Variants in EIF3A observed in about 807,000 individuals in gnomAD.
EIF3A encodes the protein eukaryotic translation initiation factor 3 subunit A.
EIF3A carries 21 observed loss-of-function variants against 186.6 expected under a neutral mutation model. The observed-to-expected ratio is 0.11, with a 90% confidence interval of 0.08 to 0.16. The LOEUF (loss-of-function observed/expected upper bound fraction) is 0.16. Among genes scored for constraint, EIF3A ranks in the 10% least tolerant of loss-of-function variants. The pLI, the probability that EIF3A is intolerant of heterozygous loss-of-function variation, is 1.00. For synonymous variants in EIF3A, 563 were observed against 584.3 expected (o/e 0.96, Z 0.52); for missense variants, 1,306 against 1,796.3 (o/e 0.73, Z 4.93).
chr10:119,047,653 T>C (rs529957597), intron 17 of EIF3A, among the ~76,000 whole-genome samples: 74 of 152,298 alleles, frequency 4.9e-4, no homozygotes, highest in Admixed American at 1.2e-3. Context: ...GCTGATTTCA[T>C]GCACACACAC....
At chr10:119,066,495 TTAAGA>T (rs1843980945) in intron 6 of EIF3A, among the ~76,000 whole-genome samples, 3 of 80,784 alleles carry the variant, frequency 3.7e-5, no homozygotes, top group Non-Finnish European at 6.4e-5. Context: ...GGGGGCAGAG[TTAAGA>T]CTGTCAAAAA....
chr10:119,036,283 T>TAAA lies in EIF3A; in HGVS notation c.3920-18_3920-16dup. 7.8e-7 allele frequency: 1 copy of TAAA among 1,279,776 alleles called. No individual in the cohort carries two copies. Among genetic ancestry groups the TAAA allele is most frequent in the Non-Finnish European group, 1.1e-6 (1 of 947,540 alleles). 79.3% of individuals were successfully genotyped at this position (1,279,776 alleles called of 1,614,324 possible). ...CCAAGAACTTACTAAAAAGTTTAAT[T>TAAA]AAAAAAAAAAAATTAAGTTAGTACT... On this transcript the variant is annotated splice_polypyrimidine_tract_variant and intron_variant, in intron 21 of 21. Transcript: ENST00000369144.
At chr10:119,065,871 C>T (rs1012874550) in intron 6 of EIF3A, among the ~76,000 whole-genome samples, 1 of 152,152 alleles carries the variant, frequency 6.6e-6, no homozygotes, top group Non-Finnish European at 1.5e-5. Context: ...AATCCCAGCA[C>T]TTTGGGAGGC....
rs763429873 is a variant in EIF3A, at chr10:119,037,273, T to G, written c.3765A>C (p.Glu1255Asp). Residue 1255 changes from glutamate to aspartate, a missense_variant, in exon 21 of 22, where the codon GAA (glutamate) becomes GAC (aspartate). By Grantham distance (45) the Glu-to-Asp change is conservative. This residue lies in a region of EIF3A where 331 missense variants were observed against 365.8 expected (regional missense o/e 0.90). Coordinates refer to ENST00000369144, the MANE Select transcript of EIF3A (RefSeq NM_003750.4). ...EGGWRRGPAE[E>D]SSSWRDSSRR... Reference sequence around the variant, plus strand: ...GACTTGAGTCTCTCCAGCTTGAAGATTCCTCAGCTGGTCCTCTTCTCCAGC... The same window carrying G: ...GACTTGAGTCTCTCCAGCTTGAAGAGTCCTCAGCTGGTCCTCTTCTCCAGC... The G allele has an allele frequency of 6.2e-7, 1 of 1,613,978 alleles. No homozygotes were observed.
At chr10:119,071,203 T>G in intron 4 of EIF3A, 118 bp from the exon 5 acceptor site, 2 of 731,922 alleles carry the variant, frequency 2.7e-6, no homozygotes, top group Non-Finnish European at 4.6e-6. Flanking sequence ...AAACTCATCA[T>G]TAGTCTTTGT....
intron 7 of EIF3A, among the ~76,000 whole-genome samples, chr10:119,062,275 C>A (rs1438382186): frequency 6.6e-6 from 1 of 152,016 alleles, no homozygotes; most frequent in African/African-American, 2.4e-5. Context: ...AGTCCCCTTC[C>A]GAATAGGGAA....
Position 119,049,936 on chromosome 10 carries a change from T to G in EIF3A, c.2523A>C (p.Leu841=). The part of the protein sequence containing the change: ...RAERAKREEE[L]REYQERVKKL... ...TCTTCACCCGCTCCTGATACTCTCG[T>G]AGCTCTTCCTCGCGTTTTGCTCGTT... is the stretch of plus-strand genomic sequence containing the variant. The change falls in exon 17 of 22, where the codon CTA becomes CTC. Residue 841 remains leucine, a synonymous_variant. Transcript: ENST00000369144. 1 of 1,614,200 alleles carries G rather than the reference T, an allele frequency of 6.2e-7. No individual in the cohort carries two copies. The highest frequency in any genetic ancestry group is 8.5e-7 in the Non-Finnish European group (1 of 1,180,024).
chr10:119,060,562 A>G (rs1432949097), intron 9 of EIF3A, among the ~76,000 whole-genome samples, 184 bp downstream of exon 9: 1 of 152,190 alleles, frequency 6.6e-6, no homozygotes, highest in Non-Finnish European at 1.5e-5. Flanking sequence ...AAAAAACAAA[A>G]GCGTCCGTTA....
At position 119,073,054 on chromosome 10, in the gene EIF3A, C is replaced by A. The variant is rs1343927112; in HGVS notation, c.378-1G>T. ...ACCACTTACAGCACTTAGGAGAACA[C>A]TACAAAGAAAAAAATGTTGAAAACA... On this transcript the variant is annotated splice_acceptor_variant, in intron 3 of 21. Transcript: ENST00000369144. LOFTEE classifies it high-confidence loss of function. 1 of 1,589,476 alleles carries A rather than the reference C, an allele frequency of 6.3e-7. No individual in the cohort carries two copies.
chr10:119,069,684 T>C, intron 5 of EIF3A, 30 bp from the exon 6 acceptor site: 1 of 1,122,362 alleles, frequency 8.9e-7, no homozygotes, highest in Non-Finnish European at 1.4e-6. Flanking sequence ...TTAAAGTCAT[T>C]GCATTCTATA....
At chr10:119,049,149 C>A (rs1394175590) in intron 17 of EIF3A, among the ~76,000 whole-genome samples, 2 of 152,116 alleles carry the variant, frequency 1.3e-5, no homozygotes, top group African/African-American at 2.4e-5. Flanking sequence ...TTTGGGAAAA[C>A]TACCACATTA....
chr10:119,041,049 G>A (rs1275672824), intron 19 of EIF3A, among the ~76,000 whole-genome samples: 3 of 147,660 alleles, frequency 2.0e-5, no homozygotes, highest in Non-Finnish European at 3.0e-5. Context: ...ATGGTGGCAT[G>A]TGCCTGTAGT....
At chr10:119,047,923 G>C (rs1355806725) in intron 17 of EIF3A, among the ~76,000 whole-genome samples, 1 of 152,070 alleles carries the variant, frequency 6.6e-6, no homozygotes, top group East Asian at 1.9e-4. Context: ...TGAGCTTTCT[G>C]AGTGAAAAGT....
chr10:119,075,643 T>TATATATAC (rs1212693156), intron 1 of EIF3A, among the ~76,000 whole-genome samples: 29 of 27,792 alleles, frequency 1.0e-3, no homozygotes, highest in Admixed American at 1.7e-3. Context: ...TAAAACACTA[T>TATATATAC]ATATATACAT....
rs769951056 is a variant in EIF3A at position 119,044,147 on chromosome 10, A to T, written c.2659-5T>A. On this transcript the variant is annotated splice_polypyrimidine_tract_variant and splice_region_variant and intron_variant, in intron 17 of 21. Transcript: ENST00000369144. ...TCTATCTCCCCAACGAGAGTCCTCC[A>T]TTGACAAAGTGAAAAAGAAGCATTA... 6.3e-7 allele frequency: 1 copy of T among 1,598,558 alleles called. No individual in the cohort carries two copies. Among genetic ancestry groups the T allele is most frequent in the South Asian group, 1.1e-5 (1 of 90,658 alleles).
At chr10:119,077,648 G>A (rs1057476421) in intron 1 of EIF3A, among the ~76,000 whole-genome samples, 2 of 150,926 alleles carry the variant, frequency 1.3e-5, no homozygotes, top group Non-Finnish European at 2.9e-5. Flanking sequence ...TCCACCTCCT[G>A]GGTTCATGCC....
rs113193938 is a variant in EIF3A at position 119,037,063 on chromosome 10, C to A, written c.3919+56G>T. ...TGATATAATTAAATAACCCAAATCC[C>A]CCCCCCCCCAGAAACGACAGTTCTC... On this transcript the variant is annotated intron_variant, in intron 21 of 21. Coordinates refer to ENST00000369144, the MANE Select transcript of EIF3A (RefSeq NM_003750.4). 69 of 628,030 alleles carry A rather than the reference C, an allele frequency of 1.1e-4. 4 individuals carry two copies. The highest frequency in any genetic ancestry group is 6.5e-4 in the African/African-American group (34 of 51,934). 38.9% of individuals were successfully genotyped at this position (628,030 alleles called of 1,614,324 possible). A position where few individuals can be genotyped will look rare whatever the true frequency, so the allele number is the denominator to read the frequency against.
intron 17 of EIF3A, among the ~76,000 whole-genome samples, chr10:119,046,181 A>G (rs1848281045): frequency 6.6e-6 from 1 of 152,200 alleles, no homozygotes; most frequent in Admixed American, 6.5e-5. Flanking sequence ...CCGCAAGAAT[A>G]GAGAAAAATT....
chr10:119,054,179 C>T (rs534649508), intron 14 of EIF3A, among the ~76,000 whole-genome samples: 1 of 152,156 alleles, frequency 6.6e-6, no homozygotes, highest in South Asian at 2.1e-4. Flanking sequence ...CCTCGGCCTC[C>T]CAAAGTGCTT....
Sources: gnomAD v4.1 joint callset for allele counts (sites outside exome capture counted in the v4.1 genomes callset) on GRCh38, gnomAD v4.1.1 for gene constraint, gnomAD v4.1.1 regional missense constraint, MANE v1.5 for transcripts, NCBI Gene and HGNC (gene_info 2026-07-23, HGNC 2026-07-21) for gene names.